Variants in FTO observed in about 807,000 individuals in gnomAD.
FTO encodes the protein alpha-ketoglutarate-dependent dioxygenase FTO.
A neutral mutation model predicts 63.9 loss-of-function variants in FTO; 47 were observed. That is an observed-to-expected ratio of 0.74 (90% CI 0.58 to 0.94). The LOEUF (loss-of-function observed/expected upper bound fraction) is 0.94, where lower values mean the gene tolerates loss of function less well. Ranked by LOEUF, FTO falls within the 40% of genes least tolerant of loss-of-function variation. The probability of loss-of-function intolerance (pLI) is 0.00; values close to 1 mark genes in which losing one functional copy is unlikely to be tolerated. For missense variants in FTO, 562 were observed against 618.1 expected, an observed-to-expected ratio of 0.91 and a Z score of 0.96; for synonymous variants, 207 against 224.4, an observed-to-expected ratio of 0.92 and a Z score of 0.69.
chr16:53,956,628 A>C (rs2082936692), intron 8 of FTO: 1 of 151,924 alleles, frequency 6.6e-6, no homozygotes, highest in East Asian at 1.9e-4. Flanking sequence ...GGCATAATAC[A>C]GTCATGAAAC....
intron 1 of FTO, among the ~76,000 whole-genome samples, chr16:53,773,098 T>A (rs916968726): frequency 3.9e-5 from 6 of 152,126 alleles, no homozygotes; most frequent in African/African-American, 7.2e-5. Flanking sequence ...TATTTATTTT[T>A]TTTTTTGAGG....
chr16:54,006,361 C>G (rs2084205421), intron 8 of FTO, among the ~76,000 whole-genome samples: 1 of 152,122 alleles, frequency 6.6e-6, no homozygotes. Flanking sequence ...CAGAAAGATT[C>G]TTTGCTGGCT....
intron 4 of FTO, among the ~76,000 whole-genome samples, chr16:53,852,865 T>A (rs1160084238): frequency 6.6e-6 from 1 of 152,218 alleles, no homozygotes; most frequent in African/African-American, 2.4e-5. Context: ...GCTATAATGA[T>A]TGCTCAATAT....
At chr16:53,880,467 A>G (rs936563803) in intron 6 of FTO, among the ~76,000 whole-genome samples, 10 of 152,206 alleles carry the variant, frequency 6.6e-5, no homozygotes, top group Admixed American at 2.0e-4. Context: ...TTTTTGTGTT[A>G]GTTCACGAAC....
chr16:54,071,381 T>C (rs910979509), intron 8 of FTO: 2 of 151,860 alleles, frequency 1.3e-5, no homozygotes, highest in Admixed American at 6.6e-5. Context: ...ATGGGAACGG[T>C]TTGAGGGAAA....
Position 54,073,635 on chromosome 16 carries a change from G to A in FTO, c.1365-38127G>A, listed in dbSNP as rs549649407. Among the ~76,000 whole-genome samples, 5 of 150,774 alleles carry A rather than the reference G, an allele frequency of 3.3e-5. No individual in the cohort carries two copies. In the South Asian group the frequency reaches 1.0e-3, roughly 32 times the overall value. On this transcript the variant is annotated intron_variant, in intron 8 of 8. Transcript: ENST00000471389. ...TCTCTCCCCTTTTTTTTTTTGAGGA[G>A]GGAGGTAGAGACTGTCTCAATGTGT...
intron 1 of FTO, among the ~76,000 whole-genome samples, chr16:53,735,592 T>C (rs1004908700): frequency 3.9e-5 from 6 of 152,198 alleles, no homozygotes; most frequent in African/African-American, 1.4e-4. Flanking sequence ...ACAAATCTGC[T>C]CTTAATGTGG....
intron 7 of FTO, among the ~76,000 whole-genome samples, chr16:53,931,865 A>G (rs2082291529): frequency 7.6e-6 from 1 of 132,264 alleles, no homozygotes; most frequent in Admixed American, 8.0e-5. Context: ...ATCAGTTTTT[A>G]CATTAAACAC....
chr16:54,015,862 AC>A (rs1398418042), intron 8 of FTO, among the ~76,000 whole-genome samples: 2 of 152,180 alleles, frequency 1.3e-5, no homozygotes, highest in African/African-American at 4.8e-5. Flanking sequence ...CAGGATTCGA[AC>A]CCATGCAGTC....
At chr16:53,725,183 T>C (rs2076126584) in intron 1 of FTO, among the ~76,000 whole-genome samples, 1 of 152,218 alleles carries the variant, frequency 6.6e-6, no homozygotes, top group Non-Finnish European at 1.5e-5. Context: ...CCTGTATTAG[T>C]TCACGTTATA....
At chr16:54,104,371 G>A (rs953347359) in intron 8 of FTO, among the ~76,000 whole-genome samples, 40 of 150,418 alleles carry the variant, frequency 2.7e-4, no homozygotes, top group African/African-American at 3.4e-4. Flanking sequence ...GGAGTGCAGC[G>A]GTTCGATCTC....
chr16:54,027,149 C>A (rs1871894733), intron 8 of FTO, among the ~76,000 whole-genome samples: 1 of 152,150 alleles, frequency 6.6e-6, no homozygotes, highest in Admixed American at 6.5e-5. Flanking sequence ...GATTATAGGA[C>A]ATTAGGCTTT....
At chr16:53,874,523 G>T (rs980727536) in intron 5 of FTO, among the ~76,000 whole-genome samples, 1 of 152,138 alleles carries the variant, frequency 6.6e-6, no homozygotes, top group Non-Finnish European at 1.5e-5. Flanking sequence ...GGCATGAAAG[G>T]GATTACAAGT....
intron 1 of FTO, among the ~76,000 whole-genome samples, chr16:53,757,861 G>C (rs2076959862): frequency 6.6e-6 from 1 of 152,130 alleles, no homozygotes; most frequent in South Asian, 2.1e-4. Context: ...TTGTGGTAAG[G>C]GTGCTTAGAT....
intron 8 of FTO, among the ~76,000 whole-genome samples, chr16:54,109,503 G>A (rs2086829067): frequency 6.6e-6 from 1 of 152,120 alleles, no homozygotes; most frequent in African/African-American, 2.4e-5. Context: ...GCTAACTTTT[G>A]TGTTTTTTAG....
chr16:53,852,804 CT>C, intron 4 of FTO, among the ~76,000 whole-genome samples: 1 of 152,322 alleles, frequency 6.6e-6, no homozygotes, highest in African/African-American at 2.4e-5. Context: ...CCCTCTCCCC[CT>C]GGAGACTTAT....
chr16:53,788,257 ATT>A (rs113935429), intron 1 of FTO, among the ~76,000 whole-genome samples: 1 of 150,978 alleles, frequency 6.6e-6, no homozygotes, highest in Non-Finnish European at 1.5e-5. Context: ...TACTCTTAAC[ATT>A]TTTTTCCCCC....
chr16:53,960,717 T>G (rs111449813), intron 8 of FTO, among the ~76,000 whole-genome samples: 1,972 of 140,510 alleles, frequency 0.014, 53 homozygotes, highest in African/African-American at 0.052. Context: ...GAAATGGGGG[T>G]GGGGGGGGCG....
chr16:53,901,695 G>A (rs929201684), intron 7 of FTO, among the ~76,000 whole-genome samples: 7 of 152,114 alleles, frequency 4.6e-5, no homozygotes, highest in Admixed American at 6.5e-5. Context: ...GTAAATGGCC[G>A]TTGTTCACTC....
Sources: gnomAD v4.1 joint callset for allele counts (sites outside exome capture counted in the v4.1 genomes callset) on GRCh38, gnomAD v4.1.1 for gene constraint, MANE v1.5 for transcripts, NCBI Gene and HGNC (gene_info 2026-07-23, HGNC 2026-07-21) for gene names.